The following CNGA3 variants were observed in gnomAD, a reference collection of about 807,000 sequenced individuals.
The protein encoded by CNGA3 is cyclic nucleotide gated channel subunit alpha 3, also known as cyclic nucleotide-gated channel alpha-3.
In CNGA3, 42 loss-of-function variants were observed where a neutral mutation model predicts 46.6. That is an observed-to-expected ratio of 0.90 (90% CI 0.70 to 1.17). The LOEUF (loss-of-function observed/expected upper bound fraction) is 1.17, where lower values mean the gene tolerates loss of function less well. Ranked by LOEUF, CNGA3 falls within the 50% of genes most tolerant of loss-of-function variation. The pLI is 0.00. For missense variants in CNGA3, 893 were observed against 890.7 expected, an observed-to-expected ratio of 1.00 and a Z score of -0.03; for synonymous variants, 394 against 369.4, an observed-to-expected ratio of 1.07 and a Z score of -0.76.
At position 98,396,269 on chromosome 2, in the gene CNGA3, G is replaced by A. The variant is rs1692909914; in HGVS notation, c.1099G>A (p.Gly367Ser). 6.2e-7 allele frequency: 1 copy of A among 1,611,744 alleles called. No homozygotes were observed. Among genetic ancestry groups the A allele is most frequent in the Non-Finnish European group, 8.5e-7 (1 of 1,178,370 alleles). ...YWSTLTLTTI[G>S]ETPPPVKDEE... Reference sequence around the variant, plus strand: ...GTCCACCTTGACCCTTACCACCATTGGTGAGACCCCACCCCCCGTGAAAGA... The same window carrying A: ...GTCCACCTTGACCCTTACCACCATTAGTGAGACCCCACCCCCCGTGAAAGA... Residue 367 changes from glycine (G) to serine (S), a missense_variant, in exon 8 of 8, where the codon GGT (glycine) becomes AGT (serine). Gly to Ser is a moderately conservative substitution (Grantham distance 56, BLOSUM62 0). This residue lies in a region of CNGA3 where 548 missense variants were observed against 570.8 expected (regional missense o/e 0.96). Transcript: ENST00000272602.
intron 6 of CNGA3, among the ~76,000 whole-genome samples, chr2:98,390,423 C>A (rs1429329930): frequency 6.6e-6 from 1 of 151,948 alleles, no homozygotes; most frequent in Non-Finnish European, 1.5e-5. Flanking sequence ...TGCTGGGATT[C>A]CAGGTGTGAG....
chr2:98,365,226 G>C (rs1692120941), intron 1 of CNGA3, among the ~76,000 whole-genome samples: 1 of 152,138 alleles, frequency 6.6e-6, no homozygotes, highest in Non-Finnish European at 1.5e-5. Flanking sequence ...CAAATCACTT[G>C]AAGTTAGGAG....
intron 1 of CNGA3, among the ~76,000 whole-genome samples, chr2:98,347,453 G>C (rs1356189095): frequency 6.6e-6 from 1 of 152,178 alleles, no homozygotes; most frequent in African/African-American, 2.4e-5. Flanking sequence ...CCGCAACCCC[G>C]GGCCGGGTGA....
intron 2 of CNGA3, among the ~76,000 whole-genome samples, chr2:98,370,804 A>C (rs1692268354): frequency 6.6e-6 from 1 of 152,216 alleles, no homozygotes; most frequent in Admixed American, 6.5e-5. Context: ...ACATAGAGCT[A>C]AACCCTTATG....
At chr2:98,389,394 T>G (rs1373204645) in intron 5 of CNGA3, among the ~76,000 whole-genome samples, 1 of 152,164 alleles carries the variant, frequency 6.6e-6, no homozygotes, top group East Asian at 1.9e-4. Context: ...CGTGGGCACA[T>G]GGGAATGTCA....
chr2:98,386,941 C>G (rs781164189), intron 5 of CNGA3, among the ~76,000 whole-genome samples: 1 of 152,172 alleles, frequency 6.6e-6, no homozygotes, highest in Non-Finnish European at 1.5e-5. Flanking sequence ...GGATGGCAGC[C>G]CTGTCAACAC....
At chr2:98,395,819 C>A (rs1692897592) in intron 7 of CNGA3, 25 bp from the exon 8 acceptor site, 1 of 1,610,200 alleles carries the variant, frequency 6.2e-7, no homozygotes, top group Non-Finnish European at 8.5e-7. Context: ...CTGTGATGCC[C>A]AATGACCTCC....
At chr2:98,369,680 A>G (rs570607135) in intron 1 of CNGA3, among the ~76,000 whole-genome samples, 4 of 152,342 alleles carry the variant, frequency 2.6e-5, no homozygotes, top group African/African-American at 9.6e-5. Context: ...TCATTCACTC[A>G]TTCAGTACTT....
chr2:98,378,903 T>G (rs770783332), intron 3 of CNGA3, among the ~76,000 whole-genome samples: 3 of 152,234 alleles, frequency 2.0e-5, no homozygotes, highest in Non-Finnish European at 2.9e-5. Flanking sequence ...CCCTCCATTC[T>G]GGCTCTCTCT....
chr2:98,366,555 C>T (rs1196929291), intron 1 of CNGA3, among the ~76,000 whole-genome samples: 1 of 152,242 alleles, frequency 6.6e-6, no homozygotes, highest in Non-Finnish European at 1.5e-5. Flanking sequence ...CAAGGGGCTC[C>T]ATCCCAGGGA....
At chr2:98,376,145 G>A (rs1409431939) in intron 2 of CNGA3, among the ~76,000 whole-genome samples, 3 of 152,156 alleles carry the variant, frequency 2.0e-5, no homozygotes, top group East Asian at 1.9e-4. Context: ...TACACAAGCC[G>A]GGGTCCTCTG....
Position 98,397,208 on chromosome 2 carries a change from G to A in CNGA3, c.2038G>A (p.Gly680Arg). The A allele has an allele frequency of 6.2e-7, 1 of 1,614,098 alleles. No individual in the cohort carries two copies. Among genetic ancestry groups the A allele is most frequent in the Admixed American group, 1.7e-5 (1 of 60,022 alleles). The change falls in exon 8 of 8, where the codon GGG (glycine) becomes AGG (arginine). Residue 680 changes from glycine to arginine, a missense_variant. Gly to Arg is a moderately radical substitution (Grantham distance 125). Coordinates refer to ENST00000272602, the MANE Select transcript of CNGA3 (RefSeq NM_001298.3). ...TGGTGGGGACAAGCCCCTGGCTGAT[G>A]GGGAAGTTCCCGGGGATGCTACAAA... Reference protein sequence around the residue: ...KGGGDKPLADGEVPGDATKTE... With the variant: ...KGGGDKPLADREVPGDATKTE...
chr2:98,377,391 C>A, intron 2 of CNGA3: 1 of 359,228 alleles, frequency 2.8e-6, no homozygotes, highest in East Asian at 5.6e-5. Context: ...GCCCCGGGAC[C>A]TCTCCCCACC....
rs1692439174 is a variant in CNGA3 at position 98,377,719 on chromosome 2, T to C, written c.134T>C (p.Val45Ala). The change falls in exon 3 of 8, where the codon GTG becomes GCG. Residue 45 changes from valine (V) to alanine (A), a missense_variant. Val to Ala is a moderately conservative substitution (Grantham distance 64, BLOSUM62 0). Around this residue, in one of 3 missense-constraint regions of CNGA3, gnomAD observed 333 missense variants for 290.8 expected, o/e 1.15. Transcript: ENST00000272602. ...AHSSSEETSS[V>A]LQPGIAMETR... ...TCGTCAAGTGAGGAGACATCGTCAG[T>C]GCTGCAGCCGGGGATCGCCATGGAG... 3 of 1,613,500 alleles carry C rather than the reference T, an allele frequency of 1.9e-6. No homozygotes were observed. Among genetic ancestry groups the C allele is most frequent in the East Asian group, 2.2e-5 (1 of 44,884 alleles).
intron 1 of CNGA3, among the ~76,000 whole-genome samples, chr2:98,352,879 T>G (rs910789983): frequency 6.6e-6 from 1 of 152,178 alleles, no homozygotes; most frequent in East Asian, 1.9e-4. Flanking sequence ...CCTCTAATTC[T>G]TTATAATAAA....
chr2:98,360,019 T>A (rs1691990454), intron 1 of CNGA3, among the ~76,000 whole-genome samples: 2 of 152,184 alleles, frequency 1.3e-5, no homozygotes, highest in African/African-American at 4.8e-5. Context: ...AGGGCCAGCA[T>A]GGGGTCCTTT....
chr2:98,348,517 G>A (rs551300781), intron 1 of CNGA3, among the ~76,000 whole-genome samples: 1 of 152,258 alleles, frequency 6.6e-6, no homozygotes, highest in East Asian at 1.9e-4. Flanking sequence ...AGTGGGGCGG[G>A]GACGGCAGTG....
At chr2:98,348,984 T>C (rs1558800465) in intron 1 of CNGA3, among the ~76,000 whole-genome samples, 1 of 152,166 alleles carries the variant, frequency 6.6e-6, no homozygotes, top group South Asian at 2.1e-4. Context: ...TGAAATCAAC[T>C]GGCCAGCAAG....
At chr2:98,367,432 G>T (rs1179659346) in intron 1 of CNGA3, among the ~76,000 whole-genome samples, 1 of 152,030 alleles carries the variant, frequency 6.6e-6, no homozygotes, top group East Asian at 1.9e-4. Context: ...CTAACCTTGT[G>T]ATCCAGCCGC....
Sources: allele counts gnomAD v4.1 joint callset (sites outside exome capture counted in the v4.1 genomes callset), GRCh38; gene constraint gnomAD v4.1.1; regional missense constraint gnomAD v4.1.1; transcripts MANE v1.5; gene names NCBI Gene and HGNC (gene_info 2026-07-23, HGNC 2026-07-21).